MMP26: variants seen among roughly 807,000 people sequenced by gnomAD.
MMP26 encodes matrix metallopeptidase 26, also known as matrix metalloproteinase-26.
In MMP26, 33 loss-of-function variants were observed where a neutral mutation model predicts 31.0. That is an observed-to-expected ratio of 1.06 (90% CI 0.81 to 1.42). The LOEUF (loss-of-function observed/expected upper bound fraction) is 1.42, where lower values mean the gene tolerates loss of function less well. MMP26 is among the 40% of genes most tolerant of loss of function. The pLI, the probability that MMP26 is intolerant of heterozygous loss-of-function variation, is 0.00. For synonymous variants in MMP26, 122 were observed against 114.9 expected, an observed-to-expected ratio of 1.06 and a Z score of -0.40; for missense variants, 347 against 316.1, an observed-to-expected ratio of 1.10 and a Z score of -0.74.
chr11:4,890,979 GAATAATAATAATAAT>G (rs71050436), intron 2 of MMP26, among the ~76,000 whole-genome samples: 65 of 137,116 alleles, frequency 4.7e-4, no homozygotes, highest in African/African-American at 1.3e-3. Context: ...AATGAACTCA[GAATAATAATAATAAT>G]AATAATAATA....
intron 6 of MMP26, 100 bp downstream of exon 6, chr11:4,991,596 G>A (rs1243496660): frequency 2.8e-6 from 4 of 1,447,360 alleles, no homozygotes; most frequent in Non-Finnish European, 3.7e-6. Context: ...AGGGTGAGGT[G>A]GAAGATTTGG....
intron 1 of MMP26, among the ~76,000 whole-genome samples, chr11:4,727,091 T>A (rs1848110924): frequency 6.6e-6 from 1 of 152,110 alleles, no homozygotes; most frequent in African/African-American, 2.4e-5. Context: ...AAGAAAAAAC[T>A]TACATTGCTT....
At chr11:4,950,448 G>A (rs553045290) in intron 2 of MMP26, among the ~76,000 whole-genome samples, 1 of 120,834 alleles carries the variant, frequency 8.3e-6, no homozygotes, top group South Asian at 2.5e-4. Flanking sequence ...AACACTGCAT[G>A]TTCTCACTTA....
chr11:4,742,567 G>A (rs1848329252), intron 1 of MMP26, among the ~76,000 whole-genome samples: 1 of 152,068 alleles, frequency 6.6e-6, no homozygotes, highest in Non-Finnish European at 1.5e-5. Context: ...CATTTGAATT[G>A]GTGGACTGAG....
chr11:4,976,851 C>A (rs1426426150), intron 2 of MMP26, among the ~76,000 whole-genome samples: 5 of 151,994 alleles, frequency 3.3e-5, no homozygotes, highest in Admixed American at 3.3e-4. Flanking sequence ...CTTTCGCCTG[C>A]AGTTATAGGT....
chr11:4,785,020 T>G (rs1022087693), intron 2 of MMP26, among the ~76,000 whole-genome samples: 2 of 152,308 alleles, frequency 1.3e-5, no homozygotes, highest in East Asian at 1.9e-4. Flanking sequence ...GGAGGCAATA[T>G]AGACTTCATT....
At chr11:4,857,288 CT>C (rs1383035130) in intron 2 of MMP26, among the ~76,000 whole-genome samples, 2 of 151,808 alleles carry the variant, frequency 1.3e-5, no homozygotes, top group East Asian at 3.9e-4. Flanking sequence ...AAACCAGGAG[CT>C]GGTTTGTTAA....
intron 2 of MMP26, among the ~76,000 whole-genome samples, chr11:4,791,042 G>C (rs930269706): frequency 1.3e-5 from 2 of 151,914 alleles, no homozygotes; most frequent in Non-Finnish European, 2.9e-5. Context: ...TTGTTGTATC[G>C]GTTATTCTCA....
At chr11:4,898,068 G>A (rs1344915726) in intron 2 of MMP26, among the ~76,000 whole-genome samples, 2 of 149,278 alleles carry the variant, frequency 1.3e-5, no homozygotes, top group African/African-American at 4.9e-5. Context: ...ATTTTATGTT[G>A]CCTAAAACTT....
intron 2 of MMP26, among the ~76,000 whole-genome samples, chr11:4,785,845 G>A (rs371717973): frequency 4.4e-4 from 67 of 152,252 alleles, no homozygotes; most frequent in African/African-American, 1.6e-3. Context: ...CTATGTTTTA[G>A]TATCCTCTAC....
chr11:4,915,155 C>A (rs1851060180), intron 2 of MMP26: 2 of 1,613,906 alleles, frequency 1.2e-6, no homozygotes, highest in Non-Finnish European at 1.7e-6. Context: ...ATAGGGGAAT[C>A]TTTTGAGCAT....
At chr11:4,756,797 T>C (rs1458401660) in intron 1 of MMP26, 1 of 148,502 alleles carries the variant, frequency 6.7e-6, no homozygotes, top group African/African-American at 2.5e-5. Flanking sequence ...TCGCTGCAAG[T>C]ATAATGTTAA....
intron 2 of MMP26, among the ~76,000 whole-genome samples, chr11:4,917,047 AT>A (rs1348812893): frequency 3.9e-5 from 6 of 152,194 alleles, no homozygotes; most frequent in Non-Finnish European, 8.8e-5. Flanking sequence ...TTCTCAATTA[AT>A]ATCACTGGAA....
chr11:4,845,579 C>A (rs1196246071), intron 2 of MMP26, among the ~76,000 whole-genome samples: 3 of 152,006 alleles, frequency 2.0e-5, no homozygotes, highest in Non-Finnish European at 4.4e-5. Flanking sequence ...GCAACCTAAG[C>A]AAAAATGGAC....
At chr11:4,828,455 C>T (rs1564789585) in intron 2 of MMP26, among the ~76,000 whole-genome samples, 1 of 152,128 alleles carries the variant, frequency 6.6e-6, no homozygotes, top group African/African-American at 2.4e-5. Context: ...TCAAGAAATA[C>T]ACATCAAATA....
chr11:4,989,566 C>A, intron 3 of MMP26, 82 bp from the exon 4 acceptor site: 1 of 1,154,826 alleles, frequency 8.7e-7, no homozygotes, highest in Non-Finnish European at 1.2e-6. Flanking sequence ...CTGAGACCCT[C>A]AAAGAAGGCT....
At chr11:4,709,580 C>T (rs532646054) in intron 1 of MMP26, 1 of 449,064 alleles carries the variant, frequency 2.2e-6, no homozygotes, top group Non-Finnish European at 4.5e-6. Flanking sequence ...TGCCATCCTT[C>T]AACCAGAGTA....
intron 2 of MMP26, chr11:4,804,014 G>C: frequency 6.2e-7 from 1 of 1,613,922 alleles, no homozygotes; most frequent in Non-Finnish European, 8.5e-7. Context: ...TAGCAGTCCA[G>C]GGCCATAGCC....
chr11:4,894,788 A>G (rs568430250), intron 2 of MMP26, among the ~76,000 whole-genome samples: 1 of 151,190 alleles, frequency 6.6e-6, no homozygotes, highest in East Asian at 1.9e-4. Flanking sequence ...TTAAGAGAGG[A>G]GTGAGAAGAA....
Sources: gnomAD v4.1 joint callset for allele counts (sites outside exome capture counted in the v4.1 genomes callset) on GRCh38, gnomAD v4.1.1 for gene constraint, MANE v1.5 for transcripts, NCBI Gene and HGNC (gene_info 2026-07-23, HGNC 2026-07-21) for gene names.